KCNQ5: variants seen among roughly 807,000 people sequenced by gnomAD.
KCNQ5 encodes the protein potassium voltage-gated channel subfamily Q member 5, also known as potassium voltage-gated channel subfamily KQT member 5.
Under a neutral mutation model 98.2 loss-of-function variants are expected in KCNQ5, and 30 were observed. The observed-to-expected ratio is 0.31, with a 90% CI of 0.23 to 0.41. KCNQ5 has a LOEUF of 0.41. Among genes scored for constraint, KCNQ5 ranks in the 10% least tolerant of loss-of-function variants. The pLI, the probability that KCNQ5 is intolerant of heterozygous loss-of-function variation, is 1.00. For missense variants in KCNQ5, 835 were observed against 1,182.5 expected (o/e 0.71, Z 4.31); for synonymous variants, 458 against 449.4 (o/e 1.02, Z -0.24).
chr6:72,802,804 G>A (rs1286955095), intron 1 of KCNQ5, among the ~76,000 whole-genome samples: 2 of 152,158 alleles, frequency 1.3e-5, no homozygotes, highest in East Asian at 1.9e-4. Context: ...AACTGCAGCC[G>A]AGACAATTAC....
chr6:73,084,562 C>T (rs1055795405), intron 5 of KCNQ5, among the ~76,000 whole-genome samples: 1 of 152,156 alleles, frequency 6.6e-6, no homozygotes, highest in African/African-American at 2.4e-5. Flanking sequence ...AGTCATCTTC[C>T]CATGCCATGC....
chr6:72,817,390 CA>C (rs1775552000), intron 1 of KCNQ5, among the ~76,000 whole-genome samples: 1 of 152,134 alleles, frequency 6.6e-6, no homozygotes, highest in South Asian at 2.1e-4. Context: ...GCATTACTCA[CA>C]ATTAGATTCT....
intron 1 of KCNQ5, among the ~76,000 whole-genome samples, chr6:72,752,483 A>G (rs1179867962): frequency 6.6e-6 from 1 of 152,122 alleles, no homozygotes. Flanking sequence ...TCTCAAGGTA[A>G]ACAAGCTTGG....
At chr6:72,764,901 C>T (rs560728195) in intron 1 of KCNQ5, among the ~76,000 whole-genome samples, 2 of 152,072 alleles carry the variant, frequency 1.3e-5, no homozygotes, top group East Asian at 3.9e-4. Context: ...GCTTATTTCA[C>T]TTCACATAAT....
intron 1 of KCNQ5, among the ~76,000 whole-genome samples, chr6:72,707,943 C>T (rs1355404792): frequency 6.6e-6 from 1 of 152,104 alleles, no homozygotes; most frequent in Non-Finnish European, 1.5e-5. Flanking sequence ...CCTTGGCTTC[C>T]AAAGTGTTGG....
chr6:72,760,197 A>G (rs1772192448), intron 1 of KCNQ5, among the ~76,000 whole-genome samples: 1 of 152,144 alleles, frequency 6.6e-6, no homozygotes, highest in African/African-American at 2.4e-5. Context: ...TTTTATAAAT[A>G]AATCAAGTCT....
intron 1 of KCNQ5, among the ~76,000 whole-genome samples, chr6:72,779,295 G>C (rs376517334): frequency 3.7e-4 from 57 of 152,266 alleles, no homozygotes; most frequent in African/African-American, 1.3e-3. Flanking sequence ...CACAGAATGG[G>C]GGCTGGCATT....
intron 2 of KCNQ5, among the ~76,000 whole-genome samples, chr6:73,024,381 T>TTAGATAGATAGATAGATA (rs57909943): frequency 5.0e-5 from 6 of 120,548 alleles, no homozygotes; most frequent in Non-Finnish European, 8.7e-5. Flanking sequence ...GATAGATAGA[T>TTAGATAGATAGATAGATA]GATAGATAGA....
intron 1 of KCNQ5, among the ~76,000 whole-genome samples, chr6:72,861,061 T>C (rs958029273): frequency 6.6e-6 from 1 of 151,830 alleles, no homozygotes; most frequent in Non-Finnish European, 1.5e-5. Context: ...AAGATAGCAA[T>C]GTAAGTATTG....
At chr6:72,729,880 G>A (rs115779927) in intron 1 of KCNQ5, among the ~76,000 whole-genome samples, 1,603 of 152,290 alleles carry the variant, frequency 0.011, 27 homozygotes, top group African/African-American at 0.037. Context: ...AGATATTAGG[G>A]CTAGGCACAA....
intron 1 of KCNQ5, among the ~76,000 whole-genome samples, chr6:72,743,824 T>A (rs1230761969): frequency 6.6e-6 from 1 of 152,212 alleles, no homozygotes; most frequent in Non-Finnish European, 1.5e-5. Context: ...AAGTATTAGA[T>A]GTGACATGAA....
At chr6:72,764,212 A>T (rs11962810) in intron 1 of KCNQ5, among the ~76,000 whole-genome samples, 1,747 of 152,104 alleles carry the variant, frequency 0.011, 29 homozygotes, top group African/African-American at 0.039. Flanking sequence ...ATTAGGCTCG[A>T]TTCTAAATTG....
intron 1 of KCNQ5, among the ~76,000 whole-genome samples, chr6:72,818,706 G>A (rs1775615081): frequency 6.6e-6 from 1 of 151,064 alleles, no homozygotes; most frequent in Non-Finnish European, 1.5e-5. Context: ...TTTAATAACA[G>A]AATTACTAAA....
chr6:73,161,480 T>C (rs1582467545), intron 10 of KCNQ5, among the ~76,000 whole-genome samples: 1 of 152,348 alleles, frequency 6.6e-6, no homozygotes, highest in East Asian at 1.9e-4. Context: ...TTCAAATGTT[T>C]CTAGCATAAA....
At chr6:72,986,822 A>C in intron 1 of KCNQ5, 15 of 1,219,238 alleles carry the variant, frequency 1.2e-5, no homozygotes, top group Non-Finnish European at 1.8e-5. Flanking sequence ...GAAGGAAACA[A>C]AGGGGGCCCA....
At chr6:72,797,538 C>T (rs953242531) in intron 1 of KCNQ5, among the ~76,000 whole-genome samples, 2 of 151,568 alleles carry the variant, frequency 1.3e-5, no homozygotes, top group African/African-American at 4.8e-5. Context: ...ATAAATACTG[C>T]TTGTTATAGT....
chr6:72,770,993 C>T (rs1275842678), intron 1 of KCNQ5, among the ~76,000 whole-genome samples: 7 of 152,084 alleles, frequency 4.6e-5, no homozygotes, highest in South Asian at 4.1e-4. Context: ...GACCCTCGAT[C>T]TAGAAGGGGG....
At chr6:73,161,940 G>T (rs1343592614) in intron 10 of KCNQ5, among the ~76,000 whole-genome samples, 1 of 151,944 alleles carries the variant, frequency 6.6e-6, no homozygotes, top group African/African-American at 2.4e-5. Context: ...TTTAGAGATG[G>T]AGTTTCACTC....
At chr6:72,906,974 T>C (rs894580706) in intron 1 of KCNQ5, among the ~76,000 whole-genome samples, 6 of 152,250 alleles carry the variant, frequency 3.9e-5, no homozygotes, top group African/African-American at 1.4e-4. Context: ...ATTTATTTAC[T>C]AGTTGGGGTC....
Sources: gnomAD v4.1 joint callset for allele counts (sites outside exome capture counted in the v4.1 genomes callset) on GRCh38, gnomAD v4.1.1 for gene constraint, MANE v1.5 for transcripts, NCBI Gene and HGNC (gene_info 2026-07-23, HGNC 2026-07-21) for gene names.